FGF13: variants seen among roughly 807,000 people sequenced by gnomAD.
FGF13 encodes fibroblast growth factor 13, also known as fibroblast growth factor homologous factor 2.
In FGF13, 2 loss-of-function variants were observed where a neutral mutation model predicts 19.5. The ratio of observed to expected loss-of-function variants is 0.10; its 90% CI spans 0.04 to 0.32. FGF13 has a LOEUF of 0.32. Ranked by LOEUF, FGF13 falls within the 10% of genes least tolerant of loss-of-function variation. FGF13 has a pLI of 1.00. For synonymous variants in FGF13, 72 were observed against 76.9 expected (o/e 0.94, Z 0.33); for missense variants, 113 against 192.7 (o/e 0.59, Z 2.45).
intron 1 of FGF13, among the ~76,000 whole-genome samples, chrX:139,111,140 G>A (rs1039580459): frequency 5.3e-5 from 6 of 112,250 alleles, no homozygotes; most frequent in African/African-American, 1.9e-4. Context: ...CAGAGATAGA[G>A]TGGAGGGAGA....
chrX:139,101,636 C>T (rs889582968), intron 1 of FGF13, among the ~76,000 whole-genome samples: 48 of 112,175 alleles, frequency 4.3e-4, no homozygotes, highest in African/African-American at 1.5e-3. Flanking sequence ...TGCAATTAAA[C>T]GAATAAATAA....
At position 138,625,458 on chromosome X, in the gene FGF13, T is replaced by TTATATATATATACATATATATATATATAA. The variant is rs2089049228; in HGVS notation, c.*7391_*7392insTTATATATATATATATGTATATATATATA. 1.1e-5 allele frequency: 1 copy of TTATATATATATACATATATATATATATAA among 93,770 alleles called. No individual in the cohort carries two copies. Among genetic ancestry groups the TTATATATATATACATATATATATATATAA allele is most frequent in the East Asian group, 3.5e-4 (1 of 2,861 alleles). The allele number at this position is 93,770 out of a possible 1,213,427, so 7.7% of individuals were successfully genotyped here. A position where few individuals can be genotyped will look rare whatever the true frequency, so the allele number is the denominator to read the frequency against. On this transcript the variant is annotated 3_prime_UTR_variant, in exon 5 of 5. Coordinates refer to ENST00000315930, the MANE Select transcript of FGF13 (RefSeq NM_004114.5). ...CGGACAGATGAATGAAGAAAGAAAA[T>TTATATATATATACATATATATATATATAA]TATATATATATACATATATATATAT... is the stretch of plus-strand genomic sequence containing the variant.
intron 1 of FGF13, among the ~76,000 whole-genome samples, chrX:138,996,612 C>T (rs2092044331): frequency 8.9e-6 from 1 of 112,456 alleles, no homozygotes; most frequent in African/African-American, 3.2e-5. Context: ...TCAGCAAGGC[C>T]GACTGCCTCT....
intron 1 of FGF13, among the ~76,000 whole-genome samples, chrX:138,956,931 T>C (rs1321782547): frequency 9.0e-6 from 1 of 111,578 alleles, no homozygotes; most frequent in Non-Finnish European, 1.9e-5. Context: ...GGAAGAAGTG[T>C]TCATAGCTTT....
At chrX:139,050,251 T>C (rs1053723839) in intron 1 of FGF13, among the ~76,000 whole-genome samples, 9 of 112,018 alleles carry the variant, frequency 8.0e-5, no homozygotes, top group Non-Finnish European at 1.5e-4. Context: ...ATCTTGGATA[T>C]GGTAATCAAC....
chrX:138,642,349 G>A (rs1351583611), intron 3 of FGF13, among the ~76,000 whole-genome samples: 1 of 111,600 alleles, frequency 9.0e-6, no homozygotes, highest in Non-Finnish European at 1.9e-5. Context: ...TCATACTCCT[G>A]GTCTTTTTGT....
chrX:138,728,206 G>T (rs1037172523), intron 1 of FGF13, among the ~76,000 whole-genome samples: 7 of 111,124 alleles, frequency 6.3e-5, no homozygotes, highest in African/African-American at 2.3e-4. Flanking sequence ...TTTTGGCTCC[G>T]TGGGTTATAA....
intron 1 of FGF13, among the ~76,000 whole-genome samples, chrX:139,068,339 A>G (rs934250666): frequency 9.7e-6 from 1 of 102,795 alleles, no homozygotes; most frequent in Admixed American, 1.1e-4. Flanking sequence ...TGTTCCATGG[A>G]TCTATATCTC....
chrX:139,026,475 C>T (rs752340454), intron 1 of FGF13, among the ~76,000 whole-genome samples: 1 of 112,051 alleles, frequency 8.9e-6, no homozygotes, highest in East Asian at 2.8e-4. Context: ...GGCCACTAAA[C>T]AATTGGCCAA....
At chrX:138,811,455 GGA>G (rs760674021) in intron 3 of FGF13, among the ~76,000 whole-genome samples, 2 of 110,079 alleles carry the variant, frequency 1.8e-5, no homozygotes, top group Non-Finnish European at 3.8e-5. Context: ...TGGGGTGGGG[GGA>G]GTGTGGAGGG....
intron 1 of FGF13, among the ~76,000 whole-genome samples, chrX:139,111,683 A>G (rs968584075): frequency 8.9e-6 from 1 of 111,871 alleles, no homozygotes; most frequent in African/African-American, 3.3e-5. Flanking sequence ...TAGAAAAAAC[A>G]CACGCTGCTG....
chrX:138,679,645 T>C (rs1197823010), intron 3 of FGF13, among the ~76,000 whole-genome samples: 1 of 112,539 alleles, frequency 8.9e-6, no homozygotes, highest in Non-Finnish European at 1.9e-5. Flanking sequence ...ATTCAGTGCA[T>C]ATACCTTAGT....
intron 1 of FGF13, among the ~76,000 whole-genome samples, chrX:139,148,200 GGAT>G (rs1372364188): frequency 1.8e-5 from 2 of 110,964 alleles, no homozygotes; most frequent in African/African-American, 6.6e-5. Context: ...AGACAGAAGT[GGAT>G]GATAACTGTT....
chrX:138,675,899 A>G (rs1403577698), intron 3 of FGF13, among the ~76,000 whole-genome samples: 1 of 111,682 alleles, frequency 9.0e-6, no homozygotes, highest in Non-Finnish European at 1.9e-5. Context: ...GCCATTTTGA[A>G]TCTTTTTGGG....
chrX:139,123,012 A>T (rs1244768591), intron 1 of FGF13, among the ~76,000 whole-genome samples: 3 of 111,259 alleles, frequency 2.7e-5, no homozygotes, highest in African/African-American at 9.8e-5. Context: ...CCACATTATG[A>T]CAATAAAAAA....
intron 1 of FGF13, among the ~76,000 whole-genome samples, chrX:139,124,592 G>C (rs2083701886): frequency 1.8e-5 from 2 of 111,474 alleles, no homozygotes; most frequent in South Asian, 7.6e-4. Context: ...GCAGATCCTG[G>C]AATTAGACAA....
At chrX:139,055,256 C>T (rs1392346261) in intron 1 of FGF13, among the ~76,000 whole-genome samples, 2 of 111,407 alleles carry the variant, frequency 1.8e-5, no homozygotes, top group Non-Finnish European at 3.8e-5. Context: ...TTGTCTTGTT[C>T]CAGTTCTCAG....
intron 1 of FGF13, among the ~76,000 whole-genome samples, chrX:138,956,397 T>C (rs1438790359): frequency 9.0e-6 from 1 of 111,252 alleles, no homozygotes; most frequent in Non-Finnish European, 1.9e-5. Flanking sequence ...TGATTATTTA[T>C]AATTGTGGGT....
chrX:138,900,171 A>G (rs1385009285), intron 1 of FGF13, among the ~76,000 whole-genome samples: 1 of 111,354 alleles, frequency 9.0e-6, no homozygotes, highest in Non-Finnish European at 1.9e-5. Context: ...TGAGGCTCCC[A>G]CTGGACTCTC....
Sources: gnomAD v4.1 joint callset for allele counts (sites outside exome capture counted in the v4.1 genomes callset) on GRCh38, gnomAD v4.1.1 for gene constraint, MANE v1.5 for transcripts, NCBI Gene and HGNC (gene_info 2026-07-23, HGNC 2026-07-21) for gene names.